Variants in TPH2 observed in about 807,000 individuals in gnomAD.
The protein encoded by TPH2 is tryptophan hydroxylase 2.
TPH2 carries 27 observed loss-of-function variants against 59.1 expected under a neutral mutation model. The ratio of observed to expected loss-of-function variants is 0.46; its 90% CI spans 0.34 to 0.63. The LOEUF is 0.63. Ranked by LOEUF, TPH2 falls within the 30% of genes least tolerant of loss-of-function variation. The pLI is 0.01. For synonymous variants in TPH2, 220 were observed against 210.5 expected (o/e 1.05, Z -0.39); for missense variants, 523 against 588.3 (o/e 0.89, Z 1.15).
intron 5 of TPH2, among the ~76,000 whole-genome samples, chr12:71,957,928 C>T (rs2220330): frequency 0.83 from 126,018 of 152,188 alleles, 52,398 homozygotes; most frequent in East Asian, 0.94. Context: ...TTATGTTGAC[C>T]TCTCAGCTAA....
chr12:71,976,471 G>C (rs1186314517), intron 6 of TPH2, among the ~76,000 whole-genome samples: 2 of 151,986 alleles, frequency 1.3e-5, no homozygotes, highest in Non-Finnish European at 2.9e-5. Flanking sequence ...CAAAGTTCTT[G>C]ATGTCATGGT....
chr12:71,944,554 T>C (rs1871153710), intron 3 of TPH2, 32 bp from the exon 4 acceptor site: 18 of 1,613,636 alleles, frequency 1.1e-5, no homozygotes, highest in Non-Finnish European at 1.5e-5. Context: ...ATCTGTGAAC[T>C]AATATTTTTG....
intron 8 of TPH2, among the ~76,000 whole-genome samples, chr12:72,008,684 G>A (rs1402946024): frequency 2.0e-5 from 3 of 152,174 alleles, no homozygotes; most frequent in Non-Finnish European, 4.4e-5. Context: ...TAAATGTTGT[G>A]TGTAAGACCA....
In TPH2 at chr12:71,944,728, C is replaced by T. The variant is rs554515407; in HGVS notation, c.540+42C>T. The T allele has an allele frequency of 5.1e-6, 8 of 1,558,278 alleles. No homozygotes were observed. The East Asian group carries it at 1.8e-4, about 35-fold the overall frequency. On this transcript the variant is annotated intron_variant, in intron 4 of 10. Transcript: ENST00000333850. ...ATCTATTTCTCACATGCTCTTTCAG[C>T]TCCACCCATGTGCCAGGCACTGTGC...
intron 5 of TPH2, chr12:71,964,312 G>C (rs11179013): frequency 0.26 from 9,336 of 36,356 alleles, 4,122 homozygotes; most frequent in East Asian, 0.76. Flanking sequence ...TTTGAGATGG[G>C]GTCTCTGTCG....
intron 7 of TPH2, among the ~76,000 whole-genome samples, chr12:71,988,725 G>A (rs1333746787): frequency 1.3e-5 from 2 of 152,176 alleles, no homozygotes; most frequent in African/African-American, 4.8e-5. Context: ...TCAGTAGGGA[G>A]CTAGTGATAT....
Position 71,946,359 on chromosome 12 carries a change from G to A in TPH2, c.540+1673G>A, listed in dbSNP as rs139503113. Among the ~76,000 whole-genome samples the A allele has an allele frequency of 3.5e-3, 527 of 152,186 alleles. 3 individuals carry two copies. The highest frequency in any genetic ancestry group is 0.011 in the African/African-American group (464 of 41,518). On this transcript the variant is annotated intron_variant, in intron 4 of 10. Transcript: ENST00000333850. Reference sequence around the variant, plus strand: ...TCTAGTTTGAAAATTACTCAACCTGGAGAAAGGAGTTCAGCCATTTTAATG... The same window carrying A: ...TCTAGTTTGAAAATTACTCAACCTGAAGAAAGGAGTTCAGCCATTTTAATG...
intron 7 of TPH2, among the ~76,000 whole-genome samples, chr12:71,988,578 C>G (rs1215236542): frequency 6.6e-6 from 1 of 152,182 alleles, no homozygotes; most frequent in African/African-American, 2.4e-5. Context: ...CCGAGGACAG[C>G]ACCAAGAGGA....
chr12:71,945,555 T>C (rs1156898196), intron 4 of TPH2, among the ~76,000 whole-genome samples: 2 of 152,122 alleles, frequency 1.3e-5, no homozygotes, highest in African/African-American at 2.4e-5. Flanking sequence ...TTCCTTGCTG[T>C]TTAAACTGAG....
rs766677099 is a variant in TPH2 at position 72,031,287 on chromosome 12, A to G, written c.1194A>G (p.Lys398=). 6.2e-7 allele frequency: 1 copy of G among 1,613,616 alleles called. No homozygotes were observed. The highest frequency in any genetic ancestry group is 8.5e-7 in the Non-Finnish European group (1 of 1,179,600). Residue 398 remains lysine, a synonymous_variant, in exon 10 of 11, where the codon AAA becomes AAG. Transcript: ENST00000333850. The part of the protein sequence containing the change: ...KHALSDKACV[K]AFDPKTTCLQ... ...CCCTTTCTGACAAGGCATGTGTGAA[A>G]GCCTTTGACCCAAAGACAACTTGCT...
Position 72,032,019 on chromosome 12 carries a change from C to T in TPH2, c.*324C>T, listed in dbSNP as rs1592420769. 2.3e-5 allele frequency: 8 copies of T among 341,758 alleles called. No homozygotes were observed. The East Asian group carries it at 2.7e-4, about 11-fold the overall frequency. 21.2% of individuals were successfully genotyped at this position (341,758 alleles called of 1,614,324 possible). On this transcript the variant is annotated 3_prime_UTR_variant, in exon 11 of 11. Transcript: ENST00000333850. ...GCCCTCTTATGAGTCTCATTTATGC[C>T]CTTTTCTTTTTCAGATCTAAGCCTT...
intron 1 of TPH2, among the ~76,000 whole-genome samples, chr12:71,940,436 G>A (rs892129707): frequency 4.6e-5 from 7 of 152,148 alleles, no homozygotes; most frequent in Admixed American, 3.9e-4. Flanking sequence ...AGCCAGTAGA[G>A]AAATCAGAAG....
intron 7 of TPH2, among the ~76,000 whole-genome samples, chr12:71,992,221 A>T (rs1566147056): frequency 6.6e-6 from 1 of 152,152 alleles, no homozygotes; most frequent in Admixed American, 6.5e-5. Flanking sequence ...CTTACACCAT[A>T]CCTGCAAATT....
chr12:72,003,228 C>T (rs1872871058), intron 8 of TPH2, among the ~76,000 whole-genome samples: 1 of 152,030 alleles, frequency 6.6e-6, no homozygotes, highest in South Asian at 2.1e-4. Flanking sequence ...TGAAATAAGC[C>T]TCAGGCTTAT....
chr12:71,990,606 A>G (rs910323500), intron 7 of TPH2, among the ~76,000 whole-genome samples: 5 of 152,334 alleles, frequency 3.3e-5, no homozygotes, highest in East Asian at 1.9e-4. Flanking sequence ...AGGCACTTCA[A>G]TTTCCTTTGT....
intron 6 of TPH2, among the ~76,000 whole-genome samples, chr12:71,976,443 C>A (rs1872119891): frequency 6.6e-6 from 1 of 152,070 alleles, no homozygotes; most frequent in African/African-American, 2.4e-5. Context: ...ACTTTTAAAG[C>A]AATGGTATCT....
intron 8 of TPH2, among the ~76,000 whole-genome samples, chr12:72,014,142 A>T (rs934275047): frequency 1.3e-5 from 2 of 152,070 alleles, no homozygotes; most frequent in Non-Finnish European, 2.9e-5. Context: ...TGCCAAAGGG[A>T]GGCTTCAAGA....
At chr12:71,944,003 A>C (rs1048002149) in intron 2 of TPH2, among the ~76,000 whole-genome samples, 3 of 151,840 alleles carry the variant, frequency 2.0e-5, no homozygotes, top group Admixed American at 2.0e-4. Context: ...GATGTGTACC[A>C]CTCTGTGGGA....
chr12:71,939,895 C>T (rs891317862), intron 1 of TPH2, among the ~76,000 whole-genome samples: 1 of 152,180 alleles, frequency 6.6e-6, no homozygotes, highest in Non-Finnish European at 1.5e-5. Flanking sequence ...AGTTTATCAA[C>T]CAAATCCAAT....
Sources: gnomAD v4.1 joint callset for allele counts (sites outside exome capture counted in the v4.1 genomes callset) on GRCh38, gnomAD v4.1.1 for gene constraint, MANE v1.5 for transcripts, NCBI Gene and HGNC (gene_info 2026-07-23, HGNC 2026-07-21) for gene names.